EYS: variants seen among roughly 807,000 people sequenced by gnomAD.
The protein encoded by EYS is EGF-like photoreceptor maintenance factor.
In EYS, 250 loss-of-function variants were observed where a neutral mutation model predicts 282.1. That is an observed-to-expected ratio of 0.89 (90% CI 0.80 to 0.98). The LOEUF is 0.98. EYS is among the 50% of genes least tolerant of loss of function. The pLI is 0.00. For synonymous variants in EYS, 1,355 were observed against 1,282.9 expected (o/e 1.06, Z -1.20); for missense variants, 4,016 against 3,709.0 (o/e 1.08, Z -2.15).
chr6:64,472,474 C>T (rs1776149561), intron 26 of EYS, among the ~76,000 whole-genome samples: 1 of 152,074 alleles, frequency 6.6e-6, no homozygotes, highest in Non-Finnish European at 1.5e-5. Context: ...ACTGTTTCCC[C>T]CTCATTTTGA....
At chr6:65,690,024 T>G (rs966091188) in intron 1 of EYS, among the ~76,000 whole-genome samples, 2 of 149,776 alleles carry the variant, frequency 1.3e-5, no homozygotes, top group African/African-American at 4.9e-5. Flanking sequence ...AGTGAGGGAT[T>G]TAGGGTCATT....
chr6:64,361,528 G>T (rs1012646275), intron 29 of EYS, among the ~76,000 whole-genome samples: 1 of 151,610 alleles, frequency 6.6e-6, no homozygotes, highest in Non-Finnish European at 1.5e-5. Flanking sequence ...TCTACAATCA[G>T]GCTCATTTTT....
At chr6:65,402,769 A>C (rs1474479188) in intron 6 of EYS, among the ~76,000 whole-genome samples, 164 bp from the exon 7 acceptor site, 1 of 151,946 alleles carries the variant, frequency 6.6e-6, no homozygotes, top group Non-Finnish European at 1.5e-5. Context: ...TCACAACACC[A>C]TCTCCCATCT....
In EYS at chr6:65,148,833, C is replaced by T. The variant is rs552228767; in HGVS notation, c.2024-91106G>A. Among the ~76,000 whole-genome samples, 42 of 152,228 alleles carry T rather than the reference C, an allele frequency of 2.8e-4. No individual in the cohort carries two copies. In the South Asian group the frequency reaches 8.5e-3, roughly 31 times the overall value. On this transcript the variant is annotated intron_variant, in intron 12 of 42. Transcript: ENST00000503581. ...CCAAACCTCGCTTGACTTCTGTGTA[C>T]CCACAGACTCAAAGCCACATGGAAG...
chr6:64,585,117 A>G (rs1258495620), intron 26 of EYS, among the ~76,000 whole-genome samples: 1 of 152,148 alleles, frequency 6.6e-6, no homozygotes, highest in East Asian at 1.9e-4. Flanking sequence ...GTGCGTATAC[A>G]TCATTGAATA....
chr6:63,960,133 T>C (rs1460851737), intron 35 of EYS, among the ~76,000 whole-genome samples: 1 of 152,160 alleles, frequency 6.6e-6, no homozygotes, highest in African/African-American at 2.4e-5. Context: ...AGATTCACCA[T>C]TCTAGATGCA....
chr6:65,366,843 T>C (rs565048392), intron 8 of EYS, among the ~76,000 whole-genome samples: 25 of 151,766 alleles, frequency 1.6e-4, no homozygotes, highest in African/African-American at 5.8e-4. Context: ...TGGTAGCCTA[T>C]ATTATTTGGC....
chr6:63,950,601 C>T (rs915110557), intron 35 of EYS, among the ~76,000 whole-genome samples: 2 of 152,132 alleles, frequency 1.3e-5, no homozygotes, highest in Non-Finnish European at 2.9e-5. Context: ...ACATTTGGTG[C>T]CCTGACTTGG....
intron 31 of EYS, among the ~76,000 whole-genome samples, chr6:64,194,023 G>C (rs1183905440): frequency 6.6e-6 from 1 of 152,020 alleles, no homozygotes; most frequent in African/African-American, 2.4e-5. Context: ...CTCAGTAATG[G>C]GATGGCTGGG....
chr6:65,490,411 T>C (rs1188438997), intron 5 of EYS, 183 bp downstream of exon 5: 1 of 510,912 alleles, frequency 2.0e-6, no homozygotes, highest in Non-Finnish European at 3.6e-6. Flanking sequence ...CATTTAGCAG[T>C]AATATGATTT....
chr6:63,934,675 C>T (rs1765002261), intron 35 of EYS, among the ~76,000 whole-genome samples: 2 of 148,040 alleles, frequency 1.4e-5, no homozygotes, highest in South Asian at 4.3e-4. Flanking sequence ...TGCATGTTCT[C>T]GCTCATAGGT....
At chr6:64,752,066 ACAAC>A (rs947485645) in intron 22 of EYS, among the ~76,000 whole-genome samples, 1 of 152,088 alleles carries the variant, frequency 6.6e-6, no homozygotes, top group Non-Finnish European at 1.5e-5. Context: ...AACTATGAAA[ACAAC>A]CAACCAAACA....
chr6:65,541,709 G>T (rs1446961048), intron 2 of EYS, among the ~76,000 whole-genome samples: 1 of 151,868 alleles, frequency 6.6e-6, no homozygotes, highest in Non-Finnish European at 1.5e-5. Context: ...GTCCCATGTG[G>T]ATAATAGTGT....
At chr6:64,148,394 T>C (rs1416432325) in intron 31 of EYS, among the ~76,000 whole-genome samples, 4 of 152,150 alleles carry the variant, frequency 2.6e-5, no homozygotes, top group African/African-American at 9.7e-5. Context: ...ATCTGCTAGC[T>C]CTTTTTCTTA....
At chr6:63,830,322 T>C (rs1457803304) in intron 36 of EYS, among the ~76,000 whole-genome samples, 8 of 152,060 alleles carry the variant, frequency 5.3e-5, no homozygotes, top group Non-Finnish European at 1.2e-4. Context: ...AAAACCTTGA[T>C]AAAAGATTAG....
At chr6:64,938,830 C>T (rs1005306984) in intron 15 of EYS, among the ~76,000 whole-genome samples, 4 of 151,346 alleles carry the variant, frequency 2.6e-5, no homozygotes, top group African/African-American at 9.7e-5. Flanking sequence ...GAAAAATAAC[C>T]CTATTGTAAG....
rs1043927874 is a variant in EYS at position 63,749,589 on chromosome 6, C to T, written c.8071+12872G>A. On this transcript the variant is annotated intron_variant, in intron 41 of 42. Coordinates refer to ENST00000503581, the MANE Select transcript of EYS (RefSeq NM_001142800.2). ...TCTACAGATGCTCCCATTCCAAACC[C>T]TCTGGGCTCTGTATCGGCTGATATC... Among the ~76,000 whole-genome samples, 3 of 152,168 alleles carry T rather than the reference C, an allele frequency of 2.0e-5. No individual in the cohort carries two copies. In the South Asian group the frequency reaches 6.2e-4, roughly 32 times the overall value.
At chr6:65,705,166 G>A (rs956516458) in intron 1 of EYS, among the ~76,000 whole-genome samples, 2 of 152,148 alleles carry the variant, frequency 1.3e-5, no homozygotes, top group Non-Finnish European at 2.9e-5. Context: ...AAGCATACAT[G>A]ATTTTCATTA....
At chr6:65,580,438 A>G (rs1446481128) in intron 2 of EYS, among the ~76,000 whole-genome samples, 5 of 152,152 alleles carry the variant, frequency 3.3e-5, no homozygotes, top group African/African-American at 1.2e-4. Context: ...TTTGTAGACA[A>G]CAAATTACAA....
Sources: gnomAD v4.1 joint callset for allele counts (sites outside exome capture counted in the v4.1 genomes callset) on GRCh38, gnomAD v4.1.1 for gene constraint, MANE v1.5 for transcripts, NCBI Gene and HGNC (gene_info 2026-07-23, HGNC 2026-07-21) for gene names.